PCDH11X: variants seen among roughly 807,000 people sequenced by gnomAD.
The protein encoded by PCDH11X is protocadherin 11 X-linked.
In PCDH11X, 18 loss-of-function variants were observed where a neutral mutation model predicts 53.3. The ratio of observed to expected loss-of-function variants is 0.34; its 90% CI spans 0.23 to 0.50. The LOEUF is 0.50. Among genes scored for constraint, PCDH11X ranks in the 20% least tolerant of loss-of-function variants. The probability of loss-of-function intolerance (pLI) is 0.98; values close to 1 mark genes in which losing one functional copy is unlikely to be tolerated. For synonymous variants in PCDH11X, 279 were observed against 393.3 expected, an observed-to-expected ratio of 0.71 and a Z score of 3.44; for missense variants, 570 against 1,032.4, an observed-to-expected ratio of 0.55 and a Z score of 6.14.
intron 10 of PCDH11X, among the ~76,000 whole-genome samples, chrX:92,582,831 A>G (rs75336030): frequency 0.27 from 28,779 of 107,331 alleles, 3,488 homozygotes; most frequent in Non-Finnish European, 0.34. Flanking sequence ...GATTATGGGA[A>G]CTCACCTCTT....
At chrX:91,804,940 A>G (rs930298676) in intron 1 of PCDH11X, among the ~76,000 whole-genome samples, 3 of 101,528 alleles carry the variant, frequency 3.0e-5, no homozygotes, top group African/African-American at 1.1e-4. Context: ...CTATAGTAAA[A>G]TGGTCAGGAA....
chrX:92,352,283 A>G (rs2070071077), intron 8 of PCDH11X, among the ~76,000 whole-genome samples: 1 of 111,904 alleles, frequency 8.9e-6, no homozygotes, highest in African/African-American at 3.2e-5. Context: ...TTGATAGGTG[A>G]GAAAACTGAT....
At chrX:91,846,735 A>G (rs1937693197) in intron 5 of PCDH11X, among the ~76,000 whole-genome samples, 1 of 111,662 alleles carries the variant, frequency 9.0e-6, no homozygotes, top group Non-Finnish European at 1.9e-5. Flanking sequence ...TGATTATTTC[A>G]ATGAGTTAGT....
Position 91,866,464 on chromosome X carries a change from T to C in PCDH11X, c.541-10317T>C, listed in dbSNP as rs772000674. Among the ~76,000 whole-genome samples the C allele has an allele frequency of 2.0e-4, 22 of 110,229 alleles. 1 individual carries two copies. Among genetic ancestry groups the C allele is most frequent in the Admixed American group, 1.9e-3 (20 of 10,403 alleles). On this transcript the variant is annotated intron_variant, in intron 5 of 10. Coordinates refer to ENST00000682573, the MANE Select transcript of PCDH11X (RefSeq NM_032968.5). The stretch of plus-strand genomic sequence containing the variant: ...AGGGCTGGTTTAAATGCTCCCTCTG[T>C]GGGCGATTGTCAGCTGCGTTTGGTC...
rs762035334 is a variant in PCDH11X at position 91,980,793 on chromosome X, A to T, written c.3033+101520A>T. Among the ~76,000 whole-genome samples the T allele has an allele frequency of 2.3e-3, 251 of 109,374 alleles. 3 individuals carry two copies. The highest frequency in any genetic ancestry group is 7.9e-3 in the African/African-American group (238 of 30,139). 95.0% of individuals were successfully genotyped at this position (109,374 alleles called of 115,157 possible). ...TGCTTTGATGAAAGATATGTAACAC[A>T]TATCAAATTATAAAACTGTATTACT... On this transcript the variant is annotated intron_variant, in intron 6 of 10. Transcript: ENST00000682573.
chrX:91,908,951 A>T (rs1268631480), intron 6 of PCDH11X, among the ~76,000 whole-genome samples: 2 of 110,597 alleles, frequency 1.8e-5, no homozygotes, highest in Non-Finnish European at 3.8e-5. Context: ...AAAGACAGAA[A>T]TACCATTCAA....
At chrX:92,472,091 C>T (rs2073276166) in intron 10 of PCDH11X, among the ~76,000 whole-genome samples, 2 of 110,504 alleles carry the variant, frequency 1.8e-5, no homozygotes, top group Non-Finnish European at 3.8e-5. Context: ...TGCTATGAAG[C>T]AGCCGTTTCA....
At chrX:92,101,134 T>A (rs1486158240) in intron 6 of PCDH11X, among the ~76,000 whole-genome samples, 1 of 111,848 alleles carries the variant, frequency 8.9e-6, no homozygotes, top group African/African-American at 3.3e-5. Flanking sequence ...CAAGGAGATA[T>A]CAGCTGTGAT....
chrX:91,810,261 G>A (rs892544417), intron 2 of PCDH11X, among the ~76,000 whole-genome samples: 3 of 110,741 alleles, frequency 2.7e-5, no homozygotes, highest in African/African-American at 9.9e-5. Flanking sequence ...AGATTTATGA[G>A]ATCATAAAAC....
intron 7 of PCDH11X, among the ~76,000 whole-genome samples, chrX:92,209,663 A>G (rs1001730427): frequency 4.5e-5 from 5 of 111,688 alleles, no homozygotes; most frequent in Non-Finnish European, 9.4e-5. Context: ...TGGGGTCTGG[A>G]AAACAGTGGC....
intron 10 of PCDH11X, among the ~76,000 whole-genome samples, chrX:92,484,444 TC>T (rs2073598776): frequency 9.5e-6 from 1 of 104,815 alleles, no homozygotes; most frequent in Non-Finnish European, 1.9e-5. Flanking sequence ...TTTCACCACA[TC>T]CATGCCAACA....
intron 9 of PCDH11X, among the ~76,000 whole-genome samples, chrX:92,418,269 TTTA>T (rs1396492131): frequency 7.2e-5 from 8 of 110,920 alleles, no homozygotes; most frequent in Non-Finnish European, 7.6e-5. Flanking sequence ...AGCAAATTTT[TTTA>T]TTATCTATAA....
intron 8 of PCDH11X, 87 bp from the exon 9 acceptor site, chrX:92,387,648 G>C: frequency 8.3e-7 from 1 of 1,208,769 alleles, no homozygotes; most frequent in Non-Finnish European, 1.1e-6. Context: ...TCACCAGATA[G>C]CCGAAATAAT....
intron 6 of PCDH11X, among the ~76,000 whole-genome samples, chrX:92,075,083 A>G (rs2063754633): frequency 9.1e-6 from 1 of 110,154 alleles, no homozygotes; most frequent in East Asian, 2.9e-4. Context: ...GCATGGGGAT[A>G]CTTTTATTCT....
In PCDH11X at chrX:91,878,756, C is replaced by T; in HGVS notation, c.2516C>T (p.Ala839Val). 1 of 1,210,925 alleles carries T rather than the reference C, an allele frequency of 8.3e-7. No homozygotes were observed. The highest frequency in any genetic ancestry group is 3.0e-5 in the East Asian group (1 of 33,788). Residue 839 changes from alanine (A) to valine (V), a missense_variant, in exon 6 of 11, where the codon GCA becomes GTA. By Grantham distance (64) the Ala-to-Val change is moderately conservative. Around this residue, in one of 6 missense-constraint regions of PCDH11X, gnomAD observed 226 missense variants for 457.5 expected, o/e 0.49. Coordinates refer to ENST00000682573, the MANE Select transcript of PCDH11X (RefSeq NM_032968.5). ...ACTGCTGTAGTAAGATGTCGCCAGG[C>T]ACCACACCTTAAGGCTGCTCAGAAA... ...FITAVVRCRQAPHLKAAQKNK... is the reference protein window; with the variant it reads ...FITAVVRCRQVPHLKAAQKNK...
intron 9 of PCDH11X, among the ~76,000 whole-genome samples, chrX:92,434,572 TG>T (rs2072326568): frequency 9.1e-6 from 1 of 109,802 alleles, no homozygotes; most frequent in African/African-American, 3.3e-5. Context: ...GACAAGGACT[TG>T]ACTGGTCACC....
At chrX:91,845,884 T>C (rs1164284130) in intron 5 of PCDH11X, among the ~76,000 whole-genome samples, 3 of 109,893 alleles carry the variant, frequency 2.7e-5, no homozygotes, top group Admixed American at 9.8e-5. Context: ...CTCTTAGAAA[T>C]TGGATTTTAA....
At chrX:92,102,725 T>C (rs2064286882) in intron 6 of PCDH11X, among the ~76,000 whole-genome samples, 1 of 110,972 alleles carries the variant, frequency 9.0e-6, no homozygotes, top group Non-Finnish European at 1.9e-5. Flanking sequence ...AGAAAGCATG[T>C]TTGAGATCTA....
At chrX:92,407,770 G>C (rs1225947113) in intron 9 of PCDH11X, among the ~76,000 whole-genome samples, 2 of 111,163 alleles carry the variant, frequency 1.8e-5, no homozygotes, top group African/African-American at 6.6e-5. Flanking sequence ...TTGTTAAGCT[G>C]CCTGACAAAA....
Sources: allele counts gnomAD v4.1 joint callset (sites outside exome capture counted in the v4.1 genomes callset), GRCh38; gene constraint gnomAD v4.1.1; regional missense constraint gnomAD v4.1.1; transcripts MANE v1.5; gene names NCBI Gene and HGNC (gene_info 2026-07-23, HGNC 2026-07-21).